ARHGAP15: variants seen among roughly 807,000 people sequenced by gnomAD.
ARHGAP15 encodes the protein Rho GTPase activating protein 15.
In ARHGAP15, 51 loss-of-function variants were observed where a neutral mutation model predicts 63.7. The ratio of observed to expected loss-of-function variants is 0.80; its 90% confidence interval spans 0.64 to 1.01. The LOEUF (loss-of-function observed/expected upper bound fraction) is 1.01. ARHGAP15 is among the 50% of genes least tolerant of loss of function. The probability of loss-of-function intolerance (pLI) is 0.00; values close to 1 mark genes in which losing one functional copy is unlikely to be tolerated. For missense variants in ARHGAP15, 560 were observed against 564.6 expected (o/e 0.99, Z 0.08); for synonymous variants, 191 against 193.8 (o/e 0.99, Z 0.12).
chr2:143,625,306 T>C (rs963048927), intron 12 of ARHGAP15, among the ~76,000 whole-genome samples: 1 of 152,110 alleles, frequency 6.6e-6, no homozygotes, highest in African/African-American at 2.4e-5. Context: ...GGTCCTGTGT[T>C]GGAAAACAGC....
At chr2:143,424,830 G>C (rs1689076537) in intron 6 of ARHGAP15, among the ~76,000 whole-genome samples, 1 of 152,026 alleles carries the variant, frequency 6.6e-6, no homozygotes, top group South Asian at 2.1e-4. Context: ...TAAGAGGAAG[G>C]GTCACTGCTA....
At chr2:143,517,820 A>G (rs143916420) in intron 9 of ARHGAP15, among the ~76,000 whole-genome samples, 1 of 152,220 alleles carries the variant, frequency 6.6e-6, no homozygotes, top group African/African-American at 2.4e-5. Flanking sequence ...ATGGAGTTCC[A>G]TGAAGAAGAA....
intron 6 of ARHGAP15, among the ~76,000 whole-genome samples, chr2:143,341,101 A>G (rs1039691751): frequency 1.1e-4 from 17 of 152,034 alleles, no homozygotes; most frequent in African/African-American, 4.1e-4. Flanking sequence ...TTCTCTGTGA[A>G]CACATAGAAG....
At chr2:143,692,030 C>G (rs1683624609) in intron 12 of ARHGAP15, among the ~76,000 whole-genome samples, 1 of 152,154 alleles carries the variant, frequency 6.6e-6, no homozygotes, top group Non-Finnish European at 1.5e-5. Flanking sequence ...TGTTAGGTGA[C>G]AGAAGTAGAG....
intron 3 of ARHGAP15, among the ~76,000 whole-genome samples, chr2:143,205,244 G>T (rs1692283433): frequency 1.4e-5 from 2 of 146,070 alleles, no homozygotes; most frequent in South Asian, 4.3e-4. Context: ...CCAAGATTGT[G>T]CAGAGAGAGA....
At chr2:143,385,255 G>A (rs1687227566) in intron 6 of ARHGAP15, among the ~76,000 whole-genome samples, 1 of 152,066 alleles carries the variant, frequency 6.6e-6, no homozygotes, top group Admixed American at 6.6e-5. Flanking sequence ...GAACGTTGTA[G>A]TTCATGTACA....
chr2:143,620,262 T>C (rs374737646), intron 11 of ARHGAP15, among the ~76,000 whole-genome samples: 5 of 152,026 alleles, frequency 3.3e-5, no homozygotes, highest in African/African-American at 9.6e-5. Context: ...AGTCCTGGAG[T>C]GGGTGTTTCA....
At chr2:143,171,113 T>C (rs1029625455) in intron 2 of ARHGAP15, among the ~76,000 whole-genome samples, 1 of 152,088 alleles carries the variant, frequency 6.6e-6, no homozygotes, top group Non-Finnish European at 1.5e-5. Context: ...CTCATAGTCA[T>C]AAAGCTAAAG....
At chr2:143,590,403 C>A (rs1697274290) in intron 11 of ARHGAP15, among the ~76,000 whole-genome samples, 2 of 152,184 alleles carry the variant, frequency 1.3e-5, no homozygotes, top group Non-Finnish European at 2.9e-5. Context: ...GTCTCACTCA[C>A]CACTATATCC....
chr2:143,714,549 T>C (rs753713991), intron 13 of ARHGAP15, among the ~76,000 whole-genome samples: 10 of 152,240 alleles, frequency 6.6e-5, no homozygotes, highest in Non-Finnish European at 1.5e-4. Context: ...TGGGTTTTTC[T>C]TTTCTACTCA....
intron 6 of ARHGAP15, among the ~76,000 whole-genome samples, chr2:143,323,921 A>AC: frequency 6.7e-6 from 1 of 149,546 alleles, no homozygotes; most frequent in Non-Finnish European, 1.5e-5. Context: ...AAAAAAAAAA[A>AC]AACACCTAAA....
intron 6 of ARHGAP15, among the ~76,000 whole-genome samples, chr2:143,364,348 AATT>A (rs1686203390): frequency 6.6e-6 from 1 of 152,220 alleles, no homozygotes; most frequent in South Asian, 2.1e-4. Flanking sequence ...TTTACTTGGA[AATT>A]ATTTTGTTCT....
At chr2:143,523,702 A>G (rs1694150142) in intron 10 of ARHGAP15, among the ~76,000 whole-genome samples, 1 of 152,168 alleles carries the variant, frequency 6.6e-6, no homozygotes, top group Non-Finnish European at 1.5e-5. Context: ...AGTTTGTAAT[A>G]TAATTTAGAT....
chr2:143,416,815 CCCACCACCCCCCCA>C (rs1688701632), intron 6 of ARHGAP15, among the ~76,000 whole-genome samples: 1 of 40,108 alleles, frequency 2.5e-5, no homozygotes, highest in Admixed American at 3.1e-4. Flanking sequence ...TGCCACTTCC[CCCACCACCCCCCCA>C]CCCCCACGCC....
rs569135506 is a variant in ARHGAP15 at position 143,206,850 on chromosome 2, AG to A, written c.234+4649del. Among the ~76,000 whole-genome samples the A allele has an allele frequency of 2.2e-4, 33 of 152,190 alleles. No individual in the cohort carries two copies. In the South Asian group the frequency reaches 6.8e-3, roughly 32 times the overall value. ...TATTTTGTAAAAATAACACATAAAA[AG>A]TTTGCTCTGAAGTAGTCGATGAAAC... is the stretch of plus-strand genomic sequence containing the variant. On this transcript the variant is annotated intron_variant, in intron 3 of 13. Coordinates refer to ENST00000295095, the MANE Select transcript of ARHGAP15 (RefSeq NM_018460.4).
intron 13 of ARHGAP15, among the ~76,000 whole-genome samples, chr2:143,733,375 A>T (rs966728549): frequency 1.3e-5 from 2 of 152,120 alleles, no homozygotes; most frequent in African/African-American, 4.8e-5. Flanking sequence ...ATCCCTGAAG[A>T]GTCTTTTTCC....
chr2:143,216,356 G>C, intron 3 of ARHGAP15, 28 bp from the exon 4 acceptor site: 2 of 1,574,562 alleles, frequency 1.3e-6, no homozygotes, highest in Non-Finnish European at 1.7e-6. Flanking sequence ...AGTTTGTCAC[G>C]GTTTTAACAT....
At chr2:143,181,618 C>T (rs1691237430) in intron 2 of ARHGAP15, among the ~76,000 whole-genome samples, 1 of 152,188 alleles carries the variant, frequency 6.6e-6, no homozygotes, top group African/African-American at 2.4e-5. Context: ...CTGCTGCCTT[C>T]AGACTTTTCT....
chr2:143,527,448 A>C (rs1574580902), intron 10 of ARHGAP15, among the ~76,000 whole-genome samples: 2 of 151,370 alleles, frequency 1.3e-5, no homozygotes. Flanking sequence ...CTGATTTTAT[A>C]CGTTTCAAGT....
Sources: allele counts gnomAD v4.1 joint callset (sites outside exome capture counted in the v4.1 genomes callset), GRCh38; gene constraint gnomAD v4.1.1; transcripts MANE v1.5; gene names NCBI Gene and HGNC (gene_info 2026-07-23, HGNC 2026-07-21).